The following CRB2 variants were observed in gnomAD, a reference collection of about 807,000 sequenced individuals.
CRB2 encodes protein crumbs homolog 2.
CRB2 carries 85 observed loss-of-function variants against 110.9 expected under a neutral mutation model. The observed-to-expected ratio is 0.77, with a 90% CI of 0.64 to 0.92. CRB2 has a LOEUF of 0.92. Among genes scored for constraint, CRB2 ranks in the 40% least tolerant of loss-of-function variants. The pLI is 0.00. For synonymous variants in CRB2, 907 were observed against 831.0 expected, an observed-to-expected ratio of 1.09 and a Z score of -1.57; for missense variants, 1,843 against 1,851.3, an observed-to-expected ratio of 1.00 and a Z score of 0.08.
intron 1 of CRB2, among the ~76,000 whole-genome samples, chr9:123,359,038 A>G (rs571693860): frequency 8.5e-5 from 13 of 152,266 alleles, no homozygotes; most frequent in African/African-American, 3.1e-4. Context: ...TCTGAGCCCA[A>G]ACTCTCAAGG....
Position 123,377,044 on chromosome 9 carries a change from G to A in CRB2, c.3840G>A (p.Pro1280=), listed in dbSNP as rs139686085. ...LEMDSVLKVP[P]EERLI is the part of the protein sequence containing the mutation. ...TGGACAGTGTCCTCAAGGTGCCACC[G>A]GAGGAGAGACTCATCTAGGCCAGCC... Residue 1280 remains proline, a synonymous_variant, in exon 13 of 13, where the codon CCG becomes CCA. Transcript: ENST00000373631. 9.1e-5 allele frequency: 144 copies of A among 1,588,472 alleles called. No homozygotes were observed. Among genetic ancestry groups the A allele is most frequent in the East Asian group, 8.8e-4 (39 of 44,320 alleles).
rs2042118891 is a variant in CRB2, at chr9:123,377,351, T to A, written c.*289T>A. ...CGTGGGTTCACAGTGTGTTCAGGAGTGTGTGTATCTGGAGGAGTGTGTGTG... is the reference window on the plus strand; with the variant it reads ...CGTGGGTTCACAGTGTGTTCAGGAGAGTGTGTATCTGGAGGAGTGTGTGTG... On this transcript the variant is annotated 3_prime_UTR_variant, in exon 13 of 13. Transcript: ENST00000373631. The A allele has an allele frequency of 2.5e-6, 1 of 392,450 alleles. No homozygotes were observed. The highest frequency in any genetic ancestry group is 4.2e-5 in the Admixed American group (1 of 23,786). The allele number at this position is 392,450 out of a possible 1,614,324, so 24.3% of individuals were successfully genotyped here.
chr9:123,375,134 A>AG, intron 11 of CRB2, 83 bp from the exon 12 acceptor site: 1 of 1,582,084 alleles, frequency 6.3e-7, no homozygotes, highest in Middle Eastern at 2.3e-4. Context: ...TGCTTGCTGA[A>AG]GTGGGGATGG....
intron 10 of CRB2, 22 bp downstream of exon 10, chr9:123,373,942 G>T (rs943584708): frequency 2.2e-5 from 34 of 1,549,888 alleles, no homozygotes; most frequent in Non-Finnish European, 2.9e-5. Context: ...GGGCAGGGGG[G>T]TGGGCTGCGA....
chr9:123,359,429 CGTTTTTGTTTT>C (rs1410025950), intron 1 of CRB2, among the ~76,000 whole-genome samples: 2,935 of 99,776 alleles, frequency 0.029, 82 homozygotes, highest in Middle Eastern at 0.034. Flanking sequence ...TGTGGTTTTT[CGTTTTTGTTTT>C]GTTTTTTTTT....
chr9:123,378,811 T>TTG (rs1422354165), downstream of CRB2: 13 of 76,852 alleles, frequency 1.7e-4, 1 homozygote, highest in South Asian at 2.5e-3. Context: ...TTTTGTTTTT[T>TTG]TTTTTTTTTT....
rs557508692 is a variant in CRB2, at chr9:123,376,098, G to A, written c.3634-740G>A. ...CAGCCACCTCCCCAGGGCAGGGGGA[G>A]GAAATGGCTTTACAGCTCCTCCCTC... On this transcript the variant is annotated intron_variant, in intron 12 of 12. Transcript: ENST00000373631. 1.8e-3 allele frequency among the ~76,000 whole-genome samples: 272 copies of A among 152,282 alleles called. 2 individuals are homozygous for A. Among genetic ancestry groups the A allele is most frequent in the Middle Eastern group, 3.4e-3 (1 of 294 alleles).
chr9:123,367,425 C>T (rs2041950794), intron 5 of CRB2, 68 bp downstream of exon 5: 4 of 924,258 alleles, frequency 4.3e-6, no homozygotes, highest in Admixed American at 4.0e-5. Flanking sequence ...GTGCCCACCC[C>T]CCCACCCCCC....
In CRB2 at chr9:123,367,393, C is replaced by T. The variant is rs1425006610; in HGVS notation, c.940+36C>T. 5.1e-6 allele frequency: 8 copies of T among 1,570,376 alleles called. No homozygotes were observed. The African/African-American group carries it at 8.2e-5, about 16-fold the overall frequency. ...GCTGGGGAAGCGGTCAGCCCATGTCCAGATGCCCAGGGAGGGATCTTGTGC... is the reference window on the plus strand; with the variant it reads ...GCTGGGGAAGCGGTCAGCCCATGTCTAGATGCCCAGGGAGGGATCTTGTGC... On this transcript the variant is annotated intron_variant, in intron 5 of 12. Transcript: ENST00000373631.
intron 1 of CRB2, among the ~76,000 whole-genome samples, chr9:123,361,004 CATGGTCCT>C (rs2041860554): frequency 6.6e-6 from 1 of 152,162 alleles, no homozygotes; most frequent in Non-Finnish European, 1.5e-5. Context: ...CATCTGCTCC[CATGGTCCT>C]GGGAAGATCC....
intron 6 of CRB2, chr9:123,368,727 C>T: frequency 9.3e-7 from 1 of 1,070,490 alleles, no homozygotes; most frequent in Non-Finnish European, 1.1e-6. Context: ...GCTCTTTGCC[C>T]ATCCTCCCTC....
chr9:123,369,000 A>G, intron 6 of CRB2: 1 of 1,155,156 alleles, frequency 8.7e-7, no homozygotes. Flanking sequence ...GGTGGTTCCT[A>G]GGAAGAGGCT....
In CRB2 at chr9:123,371,579, G is replaced by A; in HGVS notation, c.2436+1G>A. The A allele has an allele frequency of 6.2e-7, 1 of 1,612,488 alleles. No individual in the cohort carries two copies. The highest frequency in any genetic ancestry group is 8.5e-7 in the Non-Finnish European group (1 of 1,180,028). On this transcript the variant is annotated splice_donor_variant, in intron 8 of 12. Coordinates refer to ENST00000373631, the MANE Select transcript of CRB2 (RefSeq NM_173689.7). LOFTEE classifies it high-confidence loss of function. ...CTGCGTCTCCGAGGACATGTGCAGT[G>A]TAAGTGTCTGGTGGCGGTGGTGGTG...
rs2132791269 is a variant in CRB2 at position 123,373,464 on chromosome 9, A to G, written c.2933A>G (p.Asp978Gly). The G allele has an allele frequency of 1.4e-6, 2 of 1,455,190 alleles. No individual in the cohort carries two copies. Among genetic ancestry groups the G allele is most frequent in the Non-Finnish European group, 1.8e-6 (2 of 1,111,378 alleles). The allele number at this position is 1,455,190 out of a possible 1,614,324, so 90.1% of individuals were successfully genotyped here. A position where few individuals can be genotyped will look rare whatever the true frequency, so the allele number is the denominator to read the frequency against. The change falls in exon 10 of 13, where the codon GAT becomes GGT. Residue 978 changes from aspartate (D) to glycine (G), a missense_variant. Physicochemically the swap from Asp to Gly is moderately conservative, Grantham distance 94. Coordinates refer to ENST00000373631, the MANE Select transcript of CRB2 (RefSeq NM_173689.7). ...ATTSRWLLWLDGAATPVALRG... is the reference protein window; with the variant it reads ...ATTSRWLLWLGGAATPVALRG... The stretch of plus-strand genomic sequence containing the variant: ...ACCTCGCGCTGGCTGCTGTGGCTGG[A>G]TGGTGCCGCCACCCCGGTGGCGCTG...
Position 123,371,463 on chromosome 9 carries a change from G to GCTGCCACCTCCCCTTCTTTCCT in CRB2, c.2329_2350dup (p.Leu784ProfsTer10). ...TGCCTCCAGGACCTGCGACTCGATGGCTGCCACCTCCCCTTCTTTCCTCTG... is the reference window on the plus strand; with the variant it reads ...TGCCTCCAGGACCTGCGACTCGATGGCTGCCACCTCCCCTTCTTTCCTCTGCCACCTCCCCTTCTTTCCTCTG... On this transcript the variant is annotated frameshift_variant, in exon 8 of 13. Transcript: ENST00000373631. LOFTEE classifies it high-confidence loss of function. 1 of 1,613,146 alleles carries GCTGCCACCTCCCCTTCTTTCCT rather than the reference G, an allele frequency of 6.2e-7. No homozygotes were observed. Among genetic ancestry groups the GCTGCCACCTCCCCTTCTTTCCT allele is most frequent in the Non-Finnish European group, 8.5e-7 (1 of 1,180,034 alleles).
chr9:123,367,602 T>C lies in CRB2; in HGVS notation c.970T>C (p.Cys324Arg), dbSNP rs1311703004. Residue 324 changes from cysteine to arginine, a missense_variant, in exon 6 of 13, where the codon TGT becomes CGT. Physicochemically the swap from Cys to Arg is radical, Grantham distance 180. Transcript: ENST00000373631. Reference protein sequence around the residue: ...GADCGVEVDECASRPCLNGGH... With the variant: ...GADCGVEVDERASRPCLNGGH... ...CGACTGCGGTGTGGAGGTGGACGAG[T>C]GTGCCTCACGGCCATGCCTCAACGG... 3 of 1,563,396 alleles carry C rather than the reference T, an allele frequency of 1.9e-6. No individual in the cohort carries two copies. Among genetic ancestry groups the C allele is most frequent in the Admixed American group, 1.9e-5 (1 of 53,610 alleles).
Position 123,371,150 on chromosome 9 carries a change from C to G in CRB2, c.2008C>G (p.Leu670Val), listed in dbSNP as rs763701732. 6.2e-7 allele frequency: 1 copy of G among 1,613,610 alleles called. No individual in the cohort carries two copies. The highest frequency in any genetic ancestry group is 8.5e-7 in the Non-Finnish European group (1 of 1,180,038). The part of the protein sequence containing the change: ...FLLQELPGPN[L>V]TVSFLLRTRE... ...GCTCCAAGAGCTGCCAGGTCCCAAC[C>G]TCACAGTGTCTTTCCTTCTCCGCAC... Residue 670 changes from leucine to valine, a missense_variant, in exon 8 of 13, where the codon CTC becomes GTC. By Grantham distance (32) the Leu-to-Val change is conservative. Coordinates refer to ENST00000373631, the MANE Select transcript of CRB2 (RefSeq NM_173689.7).
chr9:123,375,348 G>A lies in CRB2; in HGVS notation c.3633+5G>A. ...GGCCAGTTCTGTGAAGTGGCGGTGAGTGTTGTCAGGGGTGAGGGGCCGTGG... is the reference window on the plus strand; with the variant it reads ...GGCCAGTTCTGTGAAGTGGCGGTGAATGTTGTCAGGGGTGAGGGGCCGTGG... On this transcript the variant is annotated splice_donor_5th_base_variant and intron_variant, in intron 12 of 12. Transcript: ENST00000373631. 6.3e-7 allele frequency: 1 copy of A among 1,582,288 alleles called. No homozygotes were observed. The highest frequency in any genetic ancestry group is 8.6e-7 in the Non-Finnish European group (1 of 1,161,766).
At position 123,374,601 on chromosome 9, in the gene CRB2, T is replaced by A. The variant is rs1301358478; in HGVS notation, c.3412T>A (p.Cys1138Ser). The A allele has an allele frequency of 6.2e-7, 1 of 1,613,306 alleles. No individual in the cohort carries two copies. The highest frequency in any genetic ancestry group is 1.1e-5 in the South Asian group (1 of 91,066). The change falls in exon 11 of 13, where the codon TGC becomes AGC. Residue 1138 changes from cysteine to serine, a missense_variant. Physicochemically the swap from Cys to Ser is moderately radical, Grantham distance 112 (BLOSUM62 -1). Coordinates refer to ENST00000373631, the MANE Select transcript of CRB2 (RefSeq NM_173689.7). ...RCRLPVPSKE[C>S]SLNVTCLDGS... ...CAGGTTGCCTGTCCCATCCAAGGAGTGCAGCCTGAATGTCACCTGCCTCGA... is the reference window on the plus strand; with the variant it reads ...CAGGTTGCCTGTCCCATCCAAGGAGAGCAGCCTGAATGTCACCTGCCTCGA...
Sources: allele counts gnomAD v4.1 joint callset (sites outside exome capture counted in the v4.1 genomes callset), GRCh38; gene constraint gnomAD v4.1.1; transcripts MANE v1.5; gene names NCBI Gene and HGNC (gene_info 2026-07-23, HGNC 2026-07-21).